Variants in IQSEC1 observed in about 807,000 individuals in gnomAD.
IQSEC1 encodes IQ motif and SEC7 domain-containing protein 1.
IQSEC1 carries 31 observed loss-of-function variants against 91.0 expected under a neutral mutation model. The ratio of observed to expected loss-of-function variants is 0.34; its 90% CI spans 0.26 to 0.46. The LOEUF (loss-of-function observed/expected upper bound fraction) is 0.46, where lower values mean the gene tolerates loss of function less well. Ranked by LOEUF, IQSEC1 falls within the 20% of genes least tolerant of loss-of-function variation. IQSEC1 has a pLI of 1.00. For missense variants in IQSEC1, 1,388 were observed against 1,575.6 expected (o/e 0.88, Z 2.02); for synonymous variants, 699 against 662.6 (o/e 1.05, Z -0.84).
chr3:13,171,161 C>G (rs1249779856), intron 1 of IQSEC1, among the ~76,000 whole-genome samples: 1 of 152,052 alleles, frequency 6.6e-6, no homozygotes, highest in Non-Finnish European at 1.5e-5. Flanking sequence ...TGAGGAAATC[C>G]GCAGTGTCAC....
At chr3:13,150,218 T>C (rs887682890) in intron 2 of IQSEC1, among the ~76,000 whole-genome samples, 1 of 152,210 alleles carries the variant, frequency 6.6e-6, no homozygotes, top group Non-Finnish European at 1.5e-5. Flanking sequence ...GTTCCTTTTC[T>C]CCAAAACTGC....
At chr3:13,185,938 G>A (rs1693923830) in intron 1 of IQSEC1, among the ~76,000 whole-genome samples, 1 of 152,214 alleles carries the variant, frequency 6.6e-6, no homozygotes, top group Non-Finnish European at 1.5e-5. Flanking sequence ...AAGGTGGGCG[G>A]GTCCCATAGC....
In IQSEC1 at chr3:12,922,167, A is replaced by G; in HGVS notation, c.1806T>C (p.Arg602=). ...EALRKFQAHI[R]VQGEAQKVER... Reference sequence around the variant, plus strand: ...CCACTTTCTGAGCCTCCCCTTGGACACGGATGTGCGCCTGGAATTTCCTGA... The same window carrying G: ...CCACTTTCTGAGCCTCCCCTTGGACGCGGATGTGCGCCTGGAATTTCCTGA... Residue 602 remains arginine (R), a synonymous_variant, in exon 5 of 14, where the codon CGT becomes CGC. Transcript: ENST00000613206. This position sits in a 1 kb window ranked among gnomAD's most constrained non-coding sequence, Gnocchi z 5.1. 1.2e-6 allele frequency: 2 copies of G among 1,610,496 alleles called. No individual in the cohort carries two copies. The highest frequency in any genetic ancestry group is 8.5e-7 in the Non-Finnish European group (1 of 1,177,680).
Position 13,234,247 on chromosome 3 carries a change from CCCCCGTGTCTGTGCCTGTGGGTGTGAGT to C in IQSEC1, c.272+48436_272+48463del, listed in dbSNP as rs1266175781. The stretch of plus-strand genomic sequence containing the variant: ...CCGTGTCTGTGCCTGTGGGTGTGAG[CCCCCGTGTCTGTGCCTGTGGGTGTGAGT>C]CCCCGTGTCTGTGCCTGTGGGTGTG... On this transcript the variant is annotated intron_variant, in intron 1 of 15. Coordinates refer to the IQSEC1 transcript ENST00000648114. 5.2e-3 allele frequency among the ~76,000 whole-genome samples: 751 copies of C among 144,458 alleles called. 1 individual carries two copies. Among genetic ancestry groups the C allele is most frequent in the Non-Finnish European group, 6.8e-3 (451 of 66,164 alleles). The allele number at this position is 144,458 out of a possible 152,430, so 94.8% of individuals were successfully genotyped here.
intron 1 of IQSEC1, among the ~76,000 whole-genome samples, chr3:12,959,027 T>C (rs1700086472): frequency 1.3e-5 from 2 of 152,114 alleles, no homozygotes; most frequent in South Asian, 2.1e-4. Context: ...GAGAGGGAGA[T>C]AATATGTGTC....
In IQSEC1 at chr3:12,924,507, T is replaced by C. The variant is rs1469139516; in HGVS notation, c.1730+74A>G. On this transcript the variant is annotated intron_variant, in intron 4 of 13. Coordinates refer to ENST00000613206, the MANE Select transcript of IQSEC1 (RefSeq NM_001134382.3). The surrounding 1 kb of genome is among the most constrained non-coding windows in gnomAD (Gnocchi z 6.3). ...AGTAGGGTGGGCCTGGCCCTGTGTG[T>C]GCCCACGGGTAACACAGGGTGCGTG... 1 of 1,452,210 alleles carries C rather than the reference T, an allele frequency of 6.9e-7. No homozygotes were observed. The highest frequency in any genetic ancestry group is 1.4e-5 in the African/African-American group (1 of 70,138). 90.0% of individuals were successfully genotyped at this position (1,452,210 alleles called of 1,614,324 possible). A position where few individuals can be genotyped will look rare whatever the true frequency, so the allele number is the denominator to read the frequency against.
At chr3:12,950,205 T>G (rs1699449360) in intron 1 of IQSEC1, among the ~76,000 whole-genome samples, 1 of 152,368 alleles carries the variant, frequency 6.6e-6, no homozygotes. Flanking sequence ...TGCCCAGGAC[T>G]GCAGACCACA....
intron 2 of IQSEC1, among the ~76,000 whole-genome samples, chr3:13,109,664 C>A (rs1289369212): frequency 6.6e-6 from 1 of 152,036 alleles, no homozygotes; most frequent in Non-Finnish European, 1.5e-5. Context: ...CTGCTCCCCT[C>A]TCCTCCCCTG....
Position 12,915,623 on chromosome 3 carries a change from C to T in IQSEC1, c.2131G>A (p.Val711Met). Residue 711 changes from valine to methionine, a missense_variant, in exon 7 of 14, where the codon GTG (valine) becomes ATG (methionine). Val to Met is a conservative substitution (Grantham distance 21). This residue lies in a region of IQSEC1 where 1,059 missense variants were observed against 1,317.8 expected (regional missense o/e 0.80). Transcript: ENST00000613206. ...TTTTTCCCCACAATGAGCTTCTCCACCTTCTGCACCTGGGACACATGGTCC... is the reference window on the plus strand; with the variant it reads ...TTTTTCCCCACAATGAGCTTCTCCATCTTCTGCACCTGGGACACATGGTCC... ...NEDHVSQVQK[V>M]EKLIVGKKPI... is the part of the protein sequence containing the mutation. 6.2e-7 allele frequency: 1 copy of T among 1,614,152 alleles called. No homozygotes were observed. The highest frequency in any genetic ancestry group is 8.5e-7 in the Non-Finnish European group (1 of 1,180,008).
chr3:13,059,945 G>A (rs1433694511), intron 1 of IQSEC1, among the ~76,000 whole-genome samples: 2 of 152,200 alleles, frequency 1.3e-5, no homozygotes, highest in East Asian at 3.9e-4. Flanking sequence ...GGGTTGCTGT[G>A]GGGTGCTACA....
chr3:13,246,627 C>T (rs1354513252), intron 1 of IQSEC1, among the ~76,000 whole-genome samples: 1 of 152,194 alleles, frequency 6.6e-6, no homozygotes, highest in Non-Finnish European at 1.5e-5. Flanking sequence ...AGGCGGCAGA[C>T]CCCTGTGCTC....
Position 12,901,627 on chromosome 3 carries a change from C to CTTTA in IQSEC1, c.2806-109_2806-106dup, listed in dbSNP as rs1694319365. On this transcript the variant is annotated intron_variant, in intron 13 of 13. Coordinates refer to ENST00000613206, the MANE Select transcript of IQSEC1 (RefSeq NM_001134382.3). ...AAAAATTCACCCACTGACTGCTAAG[C>CTTTA]TTTAGTTCAACTCACTGGCCAGAGG... 8.2e-6 allele frequency: 8 copies of CTTTA among 977,600 alleles called. No individual in the cohort carries two copies. The South Asian group carries it at 1.1e-4, about 14-fold the overall frequency. The allele number at this position is 977,600 out of a possible 1,614,324, so 60.6% of individuals were successfully genotyped here.
At chr3:13,060,328 G>T (rs1283269387) in intron 1 of IQSEC1, among the ~76,000 whole-genome samples, 1 of 152,194 alleles carries the variant, frequency 6.6e-6, no homozygotes. Context: ...GTGACGGTGG[G>T]AGTAGGAAGG....
At chr3:13,226,480 G>A (rs1488274511) in intron 1 of IQSEC1, among the ~76,000 whole-genome samples, 2 of 152,130 alleles carry the variant, frequency 1.3e-5, no homozygotes, top group Non-Finnish European at 2.9e-5. Flanking sequence ...TGACCCCCCA[G>A]GCTGGGCAAG....
chr3:13,098,901 T>G (rs947050560), intron 2 of IQSEC1, among the ~76,000 whole-genome samples: 2 of 152,216 alleles, frequency 1.3e-5, no homozygotes, highest in African/African-American at 4.8e-5. Context: ...GTGAATACAC[T>G]AACATCCACG....
Position 12,940,198 on chromosome 3 carries a change from G to A in IQSEC1, c.318+1373C>T, listed in dbSNP as rs1047067002. Among the ~76,000 whole-genome samples the A allele has an allele frequency of 5.9e-5, 9 of 151,964 alleles. No homozygotes were observed. Among genetic ancestry groups the A allele is most frequent in the African/African-American group, 9.7e-5 (4 of 41,374 alleles). ...AGGTTGCTCTGCCCTGTGTCGGTCCGGCCTAAGTTGCAAGGCAGCACCGAC... is the reference window on the plus strand; with the variant it reads ...AGGTTGCTCTGCCCTGTGTCGGTCCAGCCTAAGTTGCAAGGCAGCACCGAC... On this transcript the variant is annotated intron_variant, in intron 2 of 13. Transcript: ENST00000613206. This position sits in a 1 kb window ranked among gnomAD's most constrained non-coding sequence, Gnocchi z 4.4.
In IQSEC1 at chr3:13,247,725, A is replaced by G. The variant is rs538907843; in HGVS notation, c.272+34986T>C. 2.6e-5 allele frequency among the ~76,000 whole-genome samples: 4 copies of G among 152,192 alleles called. No homozygotes were observed. The South Asian group carries it at 8.3e-4, about 32-fold the overall frequency. ...TTGATAAGTGAGTTTCATGGTCTCC[A>G]TCTGGATCTGGATCTGGAGGGAGGG... On this transcript the variant is annotated intron_variant, in intron 1 of 15. Coordinates refer to the IQSEC1 transcript ENST00000648114.
At chr3:12,902,726 GA>G in intron 13 of IQSEC1, 46 bp downstream of exon 13, 1 of 1,287,476 alleles carries the variant, frequency 7.8e-7, no homozygotes, top group Non-Finnish European at 1.1e-6. Context: ...GAGGACTGGG[GA>G]AGGCGACACA....
At position 12,935,684 on chromosome 3, in the gene IQSEC1, C is replaced by T; in HGVS notation, c.1332G>A (p.Gln444=). The T allele has an allele frequency of 1.2e-6, 2 of 1,613,830 alleles. No individual in the cohort carries two copies. The highest frequency in any genetic ancestry group is 1.3e-5 in the African/African-American group (1 of 75,080). Residue 444 remains glutamine, a synonymous_variant, in exon 3 of 14, where the codon CAG becomes CAA. Coordinates refer to ENST00000613206, the MANE Select transcript of IQSEC1 (RefSeq NM_001134382.3). The surrounding 1 kb of genome is among the most constrained non-coding windows in gnomAD (Gnocchi z 8.0). ...HLAINGSANR[Q]SKSESDYSDG... is the part of the protein sequence containing the mutation. ...CTGAGTAGTCCGACTCAGACTTGCT[C>T]TGCCGGTTGGCTGAGCCATTGATGG... is the stretch of plus-strand genomic sequence containing the variant.
Sources: allele counts gnomAD v4.1 joint callset (sites outside exome capture counted in the v4.1 genomes callset), GRCh38; gene constraint gnomAD v4.1.1; regional missense constraint gnomAD v4.1.1; non-coding constraint Gnocchi (gnomAD v3.1); transcripts MANE v1.5; gene names NCBI Gene and HGNC (gene_info 2026-07-23, HGNC 2026-07-21).